CD101: variants seen among roughly 807,000 people sequenced by gnomAD.
CD101 encodes immunoglobulin superfamily member 2.
Under a neutral mutation model 98.2 loss-of-function variants are expected in CD101, and 76 were observed. The ratio of observed to expected loss-of-function variants is 0.77; its 90% CI spans 0.64 to 0.94. The LOEUF is 0.94. Ranked by LOEUF, CD101 falls within the 40% of genes least tolerant of loss-of-function variation. The pLI is 0.00. For synonymous variants in CD101, 471 were observed against 472.7 expected, an observed-to-expected ratio of 1.00 and a Z score of 0.05; for missense variants, 1,145 against 1,218.8, an observed-to-expected ratio of 0.94 and a Z score of 0.90.
intron 8 of CD101, among the ~76,000 whole-genome samples, chr1:117,030,469 AGAG>A (rs1342570719): frequency 6.7e-6 from 1 of 149,122 alleles, no homozygotes; most frequent in East Asian, 1.9e-4. Context: ...AAAGAAAAAA[AGAG>A]AGAGAGAAAG....
intron 1 of CD101, among the ~76,000 whole-genome samples, chr1:117,009,639 T>C (rs1484841587): frequency 6.6e-6 from 1 of 152,250 alleles, no homozygotes; most frequent in African/African-American, 2.4e-5. Flanking sequence ...AAGATTACTA[T>C]GGAAGTTAAA....
In CD101 at chr1:117,029,214, AAAGAAAG is replaced by A. The variant is rs1210669901; in HGVS notation, c.2824+3313_2824+3319del. Among the ~76,000 whole-genome samples the A allele has an allele frequency of 2.6e-3, 59 of 22,724 alleles. 2 individuals carry two copies. Among genetic ancestry groups the A allele is most frequent in the South Asian group, 8.2e-3 (5 of 608 alleles). The allele number at this position is 22,724 out of a possible 152,430, so 14.9% of individuals were successfully genotyped here. A position where few individuals can be genotyped will look rare whatever the true frequency, so the allele number is the denominator to read the frequency against. On this transcript the variant is annotated intron_variant, in intron 8 of 9. Transcript: ENST00000682167. ...AAGAAAGAAAGAAAGAAAAGAAAGA[AAAGAAAG>A]AAAGAAAGAAAGAAAGAAAGAAAGA...
In CD101 at chr1:117,033,341, G is replaced by T. The variant is rs1000922554; in HGVS notation, c.2825-519G>T. ...CACAGGGAGGGCCAGGCTTGGGTCA[G>T]CGGGGGTAGGGGCTTCTTATTGTGG... On this transcript the variant is annotated intron_variant, in intron 8 of 9. Transcript: ENST00000682167. This position sits in a 1 kb window ranked among gnomAD's most constrained non-coding sequence, Gnocchi z 4.8. 2.6e-5 allele frequency among the ~76,000 whole-genome samples: 4 copies of T among 152,136 alleles called. No individual in the cohort carries two copies. The highest frequency in any genetic ancestry group is 9.7e-5 in the African/African-American group (4 of 41,418).
intron 4 of CD101, among the ~76,000 whole-genome samples, chr1:117,015,011 G>T (rs1653122933): frequency 6.6e-6 from 1 of 152,174 alleles, no homozygotes; most frequent in Non-Finnish European, 1.5e-5. Flanking sequence ...TGTAAACCTG[G>T]TATGTGGGAA....
At chr1:117,017,771 C>T (rs1390602450) in intron 5 of CD101, among the ~76,000 whole-genome samples, 1 of 152,124 alleles carries the variant, frequency 6.6e-6, no homozygotes, top group African/African-American at 2.4e-5. Flanking sequence ...ACAGCTGTGG[C>T]CCTGGGATTG....
rs192268548 is a variant in CD101, at chr1:117,025,000, G to C, written c.2429-509G>C. On this transcript the variant is annotated intron_variant, in intron 7 of 9. Transcript: ENST00000682167. ...GCAGTTGGGCTAAAGAAGGAAAGAGGCTGGTTTGATTCCTAGCAGAGAATG... is the reference window on the plus strand; with the variant it reads ...GCAGTTGGGCTAAAGAAGGAAAGAGCCTGGTTTGATTCCTAGCAGAGAATG... Among the ~76,000 whole-genome samples, 266 of 152,280 alleles carry C rather than the reference G, an allele frequency of 1.7e-3. 2 individuals are homozygous for C. The highest frequency in any genetic ancestry group is 6.0e-3 in the African/African-American group (249 of 41,562).
intron 8 of CD101, among the ~76,000 whole-genome samples, chr1:117,029,267 AAGAAAG>A (rs1306423725): frequency 5.8e-5 from 8 of 137,874 alleles, no homozygotes; most frequent in African/African-American, 1.1e-4. Context: ...GAAAGAAAGA[AAGAAAG>A]AGTAGATACG....
chr1:117,001,976 G>C, intron 1 of CD101, 116 bp downstream of exon 1: 1 of 937,454 alleles, frequency 1.1e-6, no homozygotes, highest in South Asian at 1.5e-5. Context: ...ATATATTTCT[G>C]ATGTTAGCAA....
Position 117,013,417 on chromosome 1 carries a change from C to T in CD101, c.853C>T (p.Gln285Ter). ...LRIQPAVKDF[Q>*]VNITADSLFA... ...CTTTTGTTTCCCAGTGAAAGATTTT[C>T]AAGTCAACATTACAGCTGACAGCTT... Residue 285 changes from glutamine (Q) to a stop codon, truncating the protein, a stop_gained, in exon 4 of 10, where the codon CAA becomes TAA. Coordinates refer to ENST00000682167, the MANE Select transcript of CD101 (RefSeq NM_001256106.3). LOFTEE classifies it high-confidence loss of function. The T allele has an allele frequency of 1.9e-6, 3 of 1,604,086 alleles. No individual in the cohort carries two copies. Among genetic ancestry groups the T allele is most frequent in the South Asian group, 2.2e-5 (2 of 90,294 alleles).
intron 8 of CD101, among the ~76,000 whole-genome samples, chr1:117,030,987 T>G (rs1654426521): frequency 6.6e-6 from 1 of 152,216 alleles, no homozygotes; most frequent in African/African-American, 2.4e-5. Flanking sequence ...TTGAAGACCT[T>G]GTACTTTGAG....
intron 7 of CD101, among the ~76,000 whole-genome samples, chr1:117,024,991 A>C (rs1402534411): frequency 6.6e-6 from 1 of 152,218 alleles, no homozygotes; most frequent in East Asian, 1.9e-4. Context: ...GGGCTAAAGA[A>C]GGAAAGAGGC....
chr1:117,013,683 C>T lies in CD101; in HGVS notation c.1119C>T (p.Gly373=), dbSNP rs145967061. Residue 373 remains glycine, a synonymous_variant, in exon 4 of 10, where the codon GGC becomes GGT. Transcript: ENST00000682167. ...KIFSLGPEDE[G]AYRCVVAEVM... ...TCTCTCTGGGCCCAGAGGATGAAGG[C>T]GCCTACAGATGTGTGGTAGCAGAGG... is the stretch of plus-strand genomic sequence containing the variant. The T allele has an allele frequency of 9.5e-5, 154 of 1,614,052 alleles. 1 individual carries two copies. The South Asian group carries it at 1.5e-3, about 16-fold the overall frequency.
intron 9 of CD101, among the ~76,000 whole-genome samples, chr1:117,035,713 C>CTAA (rs1356705794): frequency 6.6e-6 from 1 of 152,054 alleles, no homozygotes; most frequent in Non-Finnish European, 1.5e-5. Context: ...CCATGCCTGG[C>CTAA]TAATTTTTTT....
intron 8 of CD101, among the ~76,000 whole-genome samples, chr1:117,029,179 G>GAA (rs1385777833): frequency 1.0e-5 from 1 of 97,226 alleles, no homozygotes; most frequent in Non-Finnish European, 2.1e-5. Context: ...AAGAAAGAAA[G>GAA]AAAGAAAGAA....
rs918253974 is a variant in CD101 at position 117,010,038 on chromosome 1, G to T, written c.232G>T (p.Ala78Ser). 1 of 1,614,232 alleles carries T rather than the reference G, an allele frequency of 6.2e-7. No homozygotes were observed. Among genetic ancestry groups the T allele is most frequent in the Non-Finnish European group, 8.5e-7 (1 of 1,180,042 alleles). Residue 78 changes from alanine to serine, a missense_variant, in exon 2 of 10, where the codon GCT becomes TCT. Coordinates refer to ENST00000682167, the MANE Select transcript of CD101 (RefSeq NM_001256106.3). The surrounding 1 kb of genome is among the most constrained non-coding windows in gnomAD (Gnocchi z 5.2). Reference protein sequence around the residue: ...QEVQIISTKDAAFSYAVYTQR... With the variant: ...QEVQIISTKDSAFSYAVYTQR... The stretch of plus-strand genomic sequence containing the variant: ...AGTCCAGATCATTAGCACCAAGGAT[G>T]CTGCCTTCTCTTACGCAGTATATAC...
At position 117,036,419 on chromosome 1, in the gene CD101, C is replaced by G. The variant is rs1166843161; in HGVS notation, c.*285C>G. On this transcript the variant is annotated 3_prime_UTR_variant, in exon 10 of 10. Transcript: ENST00000682167. This position sits in a 1 kb window ranked among gnomAD's most constrained non-coding sequence, Gnocchi z 5.0. Reference sequence around the variant, plus strand: ...CCTCCCCTACATGCACCAATGCACTCTCTCCCCTCTCCATCACCCCATAAA... The same window carrying G: ...CCTCCCCTACATGCACCAATGCACTGTCTCCCCTCTCCATCACCCCATAAA... 6.6e-6 allele frequency: 1 copy of G among 152,208 alleles called. No homozygotes were observed. Among genetic ancestry groups the G allele is most frequent in the Non-Finnish European group, 1.5e-5 (1 of 68,124 alleles). 9.4% of individuals were successfully genotyped at this position (152,208 alleles called of 1,614,324 possible).
In CD101 at chr1:117,017,039, T is replaced by C. The variant is rs2274255; in HGVS notation, c.1229-51T>C. 585 of 1,546,180 alleles carry C rather than the reference T, an allele frequency of 3.8e-4. 10 individuals carry two copies. The East Asian group carries it at 0.013, about 34-fold the overall frequency. ...TGAAATTTCACTGTATTTTAGAACA[T>C]TTCTTATTTACCTAAAACAGTTTTG... On this transcript the variant is annotated intron_variant, in intron 4 of 9. Transcript: ENST00000682167.
chr1:117,031,206 A>C (rs1654441761), intron 8 of CD101, among the ~76,000 whole-genome samples: 1 of 152,166 alleles, frequency 6.6e-6, no homozygotes, highest in South Asian at 2.1e-4. Context: ...TAAGGGGCAC[A>C]CCTTGCCATC....
intron 1 of CD101, among the ~76,000 whole-genome samples, chr1:117,009,418 T>A (rs560035473): frequency 1.3e-5 from 2 of 152,358 alleles, no homozygotes; most frequent in South Asian, 4.1e-4. Flanking sequence ...AGCCCTAGAC[T>A]TTGCGTCTCC....
Sources: gnomAD v4.1 joint callset for allele counts (sites outside exome capture counted in the v4.1 genomes callset) on GRCh38, gnomAD v4.1.1 for gene constraint, Gnocchi (gnomAD v3.1) non-coding constraint, MANE v1.5 for transcripts, NCBI Gene and HGNC (gene_info 2026-07-23, HGNC 2026-07-21) for gene names.